Variants in FSTL4 observed in about 807,000 individuals in gnomAD.
FSTL4 encodes follistatin-related protein 4.
A neutral mutation model predicts 78.2 loss-of-function variants in FSTL4; 28 were observed. The ratio of observed to expected loss-of-function variants is 0.36; its 90% confidence interval spans 0.27 to 0.49. The LOEUF (loss-of-function observed/expected upper bound fraction) is 0.49, where lower values mean the gene tolerates loss of function less well. Ranked by LOEUF, FSTL4 falls within the 20% of genes least tolerant of loss-of-function variation. The probability of loss-of-function intolerance (pLI) is 0.98; values close to 1 mark genes in which losing one functional copy is unlikely to be tolerated. For missense variants in FSTL4, 922 were observed against 1,084.9 expected, an observed-to-expected ratio of 0.85 and a Z score of 2.11; for synonymous variants, 422 against 440.5, an observed-to-expected ratio of 0.96 and a Z score of 0.53.
the FSTL4 span, among the ~76,000 whole-genome samples, chr5:133,630,267 T>A: frequency 4.6e-5 from 7 of 152,234 alleles, no homozygotes; most frequent in Non-Finnish European, 7.3e-5. Flanking sequence ...CAGCCCAAAA[T>A]CTCCTTAAGC....
intron 3 of FSTL4, among the ~76,000 whole-genome samples, chr5:133,497,482 A>AGAGAGG (rs1393863022): frequency 6.6e-6 from 1 of 152,150 alleles, no homozygotes; most frequent in African/African-American, 2.4e-5. Context: ...GAGGGGCAGG[A>AGAGAGG]GAAGCCTCTG....
chr5:133,276,100 T>A (rs902826765), intron 6 of FSTL4: 1 of 152,252 alleles, frequency 6.6e-6, no homozygotes, highest in Non-Finnish European at 1.5e-5. Context: ...AGTAACATTA[T>A]ACTAAATATA....
chr5:133,392,410 G>A (rs1399188918), intron 4 of FSTL4, among the ~76,000 whole-genome samples: 1 of 152,188 alleles, frequency 6.6e-6, no homozygotes, highest in Middle Eastern at 3.2e-3. Flanking sequence ...AGAAGACAGT[G>A]GAACAGGGTT....
chr5:133,609,889 G>A (rs1761054931), intron 1 of FSTL4, among the ~76,000 whole-genome samples: 1 of 152,164 alleles, frequency 6.6e-6, no homozygotes, highest in South Asian at 2.1e-4. Flanking sequence ...CATTGAGACA[G>A]AAAATGTAAA....
intron 4 of FSTL4, among the ~76,000 whole-genome samples, chr5:133,355,787 C>G (rs1464978987): frequency 6.6e-6 from 1 of 152,200 alleles, no homozygotes; most frequent in Non-Finnish European, 1.5e-5. Flanking sequence ...GGTTTCTAAT[C>G]CTTTATTTCA....
At chr5:133,513,517 G>A (rs1279128980) in intron 3 of FSTL4, among the ~76,000 whole-genome samples, 2 of 152,130 alleles carry the variant, frequency 1.3e-5, no homozygotes, top group Non-Finnish European at 2.9e-5. Context: ...GCAGCCAGTG[G>A]GGCTGGAAGA....
chr5:133,758,246 A>G, the FSTL4 span, among the ~76,000 whole-genome samples: 3,509 of 152,324 alleles, frequency 0.023, 126 homozygotes, highest in African/African-American at 0.079. Context: ...GAATTGAACT[A>G]GGAAGGTTGA....
intron 6 of FSTL4, among the ~76,000 whole-genome samples, chr5:133,280,301 G>A (rs965156104): frequency 7.2e-5 from 11 of 152,182 alleles, no homozygotes; most frequent in Admixed American, 5.9e-4. Flanking sequence ...TGGCAGGTGG[G>A]TATGGGGAGG....
intron 1 of FSTL4, among the ~76,000 whole-genome samples, chr5:133,606,452 G>A (rs1328303744): frequency 6.6e-6 from 1 of 152,144 alleles, no homozygotes; most frequent in Admixed American, 6.5e-5. Context: ...AAATAAACAA[G>A]GTAACTCCCT....
At chr5:133,677,525 G>A in the FSTL4 span, among the ~76,000 whole-genome samples, 2 of 152,200 alleles carry the variant, frequency 1.3e-5, no homozygotes. Context: ...CCATCCACAG[G>A]AGATACTAAC....
the FSTL4 span, among the ~76,000 whole-genome samples, chr5:133,655,084 A>G: frequency 2.0e-5 from 3 of 152,136 alleles, no homozygotes; most frequent in Non-Finnish European, 2.9e-5. Flanking sequence ...ATATAGCTCA[A>G]GCTAGATTCA....
chr5:133,438,353 G>A (rs1757079993), intron 3 of FSTL4, among the ~76,000 whole-genome samples: 1 of 152,212 alleles, frequency 6.6e-6, no homozygotes, highest in African/African-American at 2.4e-5. Flanking sequence ...CAGAATGCTA[G>A]TAGAGTTTTT....
chr5:133,555,941 C>G (rs1326875986), intron 3 of FSTL4, among the ~76,000 whole-genome samples: 1 of 152,152 alleles, frequency 6.6e-6, no homozygotes, highest in East Asian at 1.9e-4. Context: ...TTTTACCCCC[C>G]ACAACGCATT....
At chr5:133,211,771 G>A (rs1396664196) in intron 13 of FSTL4, among the ~76,000 whole-genome samples, 1 of 152,070 alleles carries the variant, frequency 6.6e-6, no homozygotes, top group Non-Finnish European at 1.5e-5. Context: ...ATCTTTGACT[G>A]TCTTCTCTCT....
chr5:133,638,609 C>G, the FSTL4 span, among the ~76,000 whole-genome samples: 1 of 152,164 alleles, frequency 6.6e-6, no homozygotes, highest in Non-Finnish European at 1.5e-5. Context: ...CCTTTTCTGA[C>G]CAGCCTCCCT....
intron 6 of FSTL4, among the ~76,000 whole-genome samples, chr5:133,303,907 G>C (rs1428077229): frequency 6.6e-6 from 1 of 152,214 alleles, no homozygotes; most frequent in Non-Finnish European, 1.5e-5. Flanking sequence ...CTGAGACAAG[G>C]GCAGTGCTGG....
chr5:133,303,544 C>T (rs1252350250), intron 6 of FSTL4, among the ~76,000 whole-genome samples: 1 of 152,214 alleles, frequency 6.6e-6, no homozygotes, highest in African/African-American at 2.4e-5. Flanking sequence ...TGGCCCACAG[C>T]TCTTCACCCA....
chr5:133,448,730 G>A (rs1301011326), intron 3 of FSTL4, among the ~76,000 whole-genome samples: 4 of 132,506 alleles, frequency 3.0e-5, no homozygotes, highest in African/African-American at 1.1e-4. Context: ...ATCCCCAGGG[G>A]TGCGGGGGCG....
Position 133,217,336 on chromosome 5 carries a change from A to G in FSTL4, c.1501T>C (p.Cys501Arg). 1 of 1,614,102 alleles carries G rather than the reference A, an allele frequency of 6.2e-7. No homozygotes were observed. The highest frequency in any genetic ancestry group is 8.5e-7 in the Non-Finnish European group (1 of 1,179,946). ...PQREKNATQP[C>R]QWVSAVNVRN... ...ACATTGACTGCAGATACCCACTGGC[A>G]GGGCTGGGTTGCATTTTTTTCTCTT... is the stretch of plus-strand genomic sequence containing the variant. The change falls in exon 13 of 16, where the codon TGC becomes CGC. Residue 501 changes from cysteine (C) to arginine (R), a missense_variant. Coordinates refer to ENST00000265342, the MANE Select transcript of FSTL4 (RefSeq NM_015082.2).
Sources: gnomAD v4.1 joint callset for allele counts (sites outside exome capture counted in the v4.1 genomes callset) on GRCh38, gnomAD v4.1.1 for gene constraint, MANE v1.5 for transcripts, NCBI Gene and HGNC (gene_info 2026-07-23, HGNC 2026-07-21) for gene names.